SNX9: variants seen among roughly 807,000 people sequenced by gnomAD.
SNX9 encodes the protein sorting nexin 9.
In SNX9, 44 loss-of-function variants were observed where a neutral mutation model predicts 89.4. That is an observed-to-expected ratio of 0.49 (90% CI 0.39 to 0.63). The LOEUF is 0.63. Ranked by LOEUF, SNX9 falls within the 30% of genes least tolerant of loss-of-function variation. SNX9 has a pLI of 0.00. For missense variants in SNX9, 578 were observed against 736.1 expected, an observed-to-expected ratio of 0.79 and a Z score of 2.49; for synonymous variants, 236 against 247.8, an observed-to-expected ratio of 0.95 and a Z score of 0.45.
At chr6:157,833,523 A>G (rs1416145561) in intron 1 of SNX9, among the ~76,000 whole-genome samples, 1 of 152,218 alleles carries the variant, frequency 6.6e-6, no homozygotes, top group Non-Finnish European at 1.5e-5. Flanking sequence ...TCCAGGGGAA[A>G]AAAAGAGTAT....
intron 15 of SNX9, 57 bp from the exon 16 acceptor site, chr6:157,938,576 A>T: frequency 8.7e-7 from 1 of 1,147,672 alleles, no homozygotes; most frequent in Non-Finnish European, 1.3e-6. Context: ...GTTATATTTT[A>T]AACTAATGAC....
intron 9 of SNX9, among the ~76,000 whole-genome samples, chr6:157,911,754 A>T (rs1410319764): frequency 6.6e-6 from 1 of 152,102 alleles, no homozygotes; most frequent in East Asian, 1.9e-4. Flanking sequence ...TTAAAACATT[A>T]CTTTATATTT....
At chr6:157,929,440 C>T (rs529696890) in intron 12 of SNX9, among the ~76,000 whole-genome samples, 1 of 152,300 alleles carries the variant, frequency 6.6e-6, no homozygotes, top group Admixed American at 6.5e-5. Context: ...CTGTCCCATG[C>T]GCAGATGCCT....
At chr6:157,864,801 G>A (rs552445127) in intron 1 of SNX9, among the ~76,000 whole-genome samples, 18 of 152,230 alleles carry the variant, frequency 1.2e-4, no homozygotes, top group African/African-American at 2.4e-4. Context: ...AGGCCGAGGC[G>A]GGCAGATCAT....
At chr6:157,882,618 A>C (rs928552092) in intron 4 of SNX9, among the ~76,000 whole-genome samples, 4 of 152,236 alleles carry the variant, frequency 2.6e-5, no homozygotes, top group African/African-American at 9.6e-5. Flanking sequence ...CAACATTAAC[A>C]GGAGTTTGGA....
chr6:157,890,406 G>A (rs1005779566), intron 4 of SNX9, among the ~76,000 whole-genome samples: 1 of 152,180 alleles, frequency 6.6e-6, no homozygotes, highest in Non-Finnish European at 1.5e-5. Flanking sequence ...CCAATGTCAA[G>A]CCTGCATAAA....
intron 1 of SNX9, among the ~76,000 whole-genome samples, chr6:157,832,269 G>T (rs1437371619): frequency 6.6e-6 from 1 of 152,172 alleles, no homozygotes; most frequent in Non-Finnish European, 1.5e-5. Flanking sequence ...AATTAAAGAG[G>T]GGGAAATGCA....
At chr6:157,907,304 CAG>C (rs1783236655) in intron 7 of SNX9, among the ~76,000 whole-genome samples, 1 of 150,296 alleles carries the variant, frequency 6.7e-6, no homozygotes, top group African/African-American at 2.5e-5. Context: ...GTTTTTAAGA[CAG>C]AGTCTCACTC....
intron 11 of SNX9, among the ~76,000 whole-genome samples, chr6:157,927,715 A>G (rs1783722987): frequency 7.3e-6 from 1 of 136,064 alleles, no homozygotes; most frequent in Non-Finnish European, 1.6e-5. Context: ...TTTTAATTTT[A>G]AGCTTTTTTT....
rs748658409 is a variant in SNX9 at position 157,937,541 on chromosome 6, A to C, written c.1533+18A>C. 13 of 1,591,740 alleles carry C rather than the reference A, an allele frequency of 8.2e-6. No individual in the cohort carries two copies. Among genetic ancestry groups the C allele is most frequent in the Admixed American group, 1.7e-5 (1 of 59,882 alleles). Reference sequence around the variant, plus strand: ...CTCACAAGGTAACCTGATCGTAGACATTTATAGAAGACAACAGCAGGTGAA... The same window carrying C: ...CTCACAAGGTAACCTGATCGTAGACCTTTATAGAAGACAACAGCAGGTGAA... On this transcript the variant is annotated intron_variant, in intron 15 of 17. Coordinates refer to ENST00000392185, the MANE Select transcript of SNX9 (RefSeq NM_016224.5).
chr6:157,938,844 T>TAA, intron 16 of SNX9, 97 bp downstream of exon 16: 1 of 809,286 alleles, frequency 1.2e-6, no homozygotes, highest in Non-Finnish European at 2.0e-6. Flanking sequence ...GAGCAGCAGT[T>TAA]AAGTAAGTGA....
chr6:157,825,852 G>C (rs1037501947), intron 1 of SNX9, among the ~76,000 whole-genome samples: 2 of 152,098 alleles, frequency 1.3e-5, no homozygotes, highest in Non-Finnish European at 2.9e-5. Context: ...CTGAGTAGTT[G>C]TGTTTTTTCT....
intron 9 of SNX9, 102 bp from the exon 10 acceptor site, chr6:157,921,429 C>G (rs1045258613): frequency 8.2e-7 from 1 of 1,216,068 alleles, no homozygotes; most frequent in Non-Finnish European, 1.1e-6. Context: ...TAGCTTTCTA[C>G]CCAATAGCCA....
chr6:157,910,493 TAATG>T (rs560685641), intron 9 of SNX9, among the ~76,000 whole-genome samples: 27 of 152,234 alleles, frequency 1.8e-4, no homozygotes, highest in Non-Finnish European at 2.6e-4. Flanking sequence ...TACTAAGTGT[TAATG>T]AAGGAAGAAG....
chr6:157,867,766 T>G (rs1448884634), intron 2 of SNX9, 133 bp downstream of exon 2: 15 of 723,040 alleles, frequency 2.1e-5, no homozygotes, highest in Non-Finnish European at 3.1e-5. Flanking sequence ...TTTTGTAAGT[T>G]AATCATTCAA....
intron 10 of SNX9, chr6:157,924,749 T>A (rs534172823): frequency 6.6e-6 from 1 of 152,354 alleles, no homozygotes; most frequent in South Asian, 2.1e-4. Flanking sequence ...TGTAAATGAC[T>A]TCCGTATCTC....
At chr6:157,874,831 G>A (rs1245306360) in intron 3 of SNX9, 6 of 431,000 alleles carry the variant, frequency 1.4e-5, no homozygotes, top group South Asian at 3.8e-5. Flanking sequence ...ATAATGCATG[G>A]ATCAAAGAAG....
intron 14 of SNX9, among the ~76,000 whole-genome samples, 200 bp from the exon 15 acceptor site, chr6:157,937,231 TTTG>T (rs1240855588): frequency 1.3e-5 from 2 of 152,248 alleles, no homozygotes; most frequent in African/African-American, 4.8e-5. Flanking sequence ...TACATGATGT[TTTG>T]TTGTTTTCTT....
chr6:157,891,770 G>A (rs1782867032), intron 4 of SNX9, among the ~76,000 whole-genome samples: 1 of 152,228 alleles, frequency 6.6e-6, no homozygotes, highest in South Asian at 2.1e-4. Context: ...CTTCTGATGG[G>A]GTAGGGCTTT....
Sources: allele counts gnomAD v4.1 joint callset (sites outside exome capture counted in the v4.1 genomes callset), GRCh38; gene constraint gnomAD v4.1.1; transcripts MANE v1.5; gene names NCBI Gene and HGNC (gene_info 2026-07-23, HGNC 2026-07-21).